ENTPD2: variants seen among roughly 807,000 people sequenced by gnomAD.
ENTPD2 encodes the protein CD39 antigen-like 1.
Under a neutral mutation model 46.8 loss-of-function variants are expected in ENTPD2, and 48 were observed. That is an observed-to-expected ratio of 1.03 (90% CI 0.81 to 1.30). The LOEUF is 1.30. Ranked by LOEUF, ENTPD2 falls within the 50% of genes most tolerant of loss-of-function variation. The probability of loss-of-function intolerance (pLI) is 0.00; values close to 1 mark genes in which losing one functional copy is unlikely to be tolerated. For synonymous variants in ENTPD2, 316 were observed against 286.1 expected (o/e 1.10, Z -1.06); for missense variants, 707 against 651.1 (o/e 1.09, Z -0.93).
chr9:137,048,619 G>A lies in ENTPD2; in HGVS notation c.*38C>T, dbSNP rs1763740354. ...TGGGAGTACGGGGTGGGGATACAGG[G>A]GTTGGGGGAGGGATGGGGCAGCTGC... is the stretch of plus-strand genomic sequence containing the variant. On this transcript the variant is annotated 3_prime_UTR_variant, in exon 9 of 9. Coordinates refer to ENST00000355097, the MANE Select transcript of ENTPD2 (RefSeq NM_203468.3). The A allele has an allele frequency of 6.6e-6, 10 of 1,524,762 alleles. No homozygotes were observed. Among genetic ancestry groups the A allele is most frequent in the Middle Eastern group, 4.6e-4 (2 of 4,356 alleles). 94.5% of individuals were successfully genotyped at this position (1,524,762 alleles called of 1,614,324 possible).
In ENTPD2 at chr9:137,049,922, A is replaced by G; in HGVS notation, c.1097T>C (p.Leu366Pro). 1.2e-6 allele frequency: 2 copies of G among 1,612,552 alleles called. No homozygotes were observed. Among genetic ancestry groups the G allele is most frequent in the Non-Finnish European group, 1.7e-6 (2 of 1,179,808 alleles). ...RTSMGLPVAT[L>P]QQLEAAAVNV... ...CACTGCGGCTGCCTCCAGCTGCTGC[A>G]GGGTGGCCACGGGCAGCCCCATCGA... Residue 366 changes from leucine to proline, a missense_variant, in exon 7 of 9, where the codon CTG (leucine) becomes CCG (proline). Transcript: ENST00000355097.
chr9:137,049,176 A>C, intron 7 of ENTPD2, 101 bp from the exon 8 acceptor site: 1 of 1,519,330 alleles, frequency 6.6e-7, no homozygotes, highest in Non-Finnish European at 8.8e-7. Context: ...CCCCAGACAC[A>C]CACGGGCCGT....
In ENTPD2 at chr9:137,051,631, G is replaced by A. The variant is rs370585317; in HGVS notation, c.265C>T (p.Pro89Ser). Residue 89 changes from proline to serine, a missense_variant, in exon 3 of 9, where the codon CCT (proline) becomes TCT (serine). Pro to Ser is a moderately conservative substitution (Grantham distance 74). Coordinates refer to ENST00000355097, the MANE Select transcript of ENTPD2 (RefSeq NM_203468.3). ...ACAAGACTCTGGCTGGCCCCAGAAG[G>A]GTTGTCTGCATAGCTGGAGATGCCC... is the stretch of plus-strand genomic sequence containing the variant. ...GGGISSYADN[P>S]SGASQSLVGC... 3.1e-6 allele frequency: 5 copies of A among 1,612,384 alleles called. No homozygotes were observed. The highest frequency in any genetic ancestry group is 1.1e-5 in the South Asian group (1 of 91,044).
chr9:137,049,180 G>A (rs1832207549), intron 7 of ENTPD2, 105 bp from the exon 8 acceptor site: 1 of 1,516,018 alleles, frequency 6.6e-7, no homozygotes. Flanking sequence ...AGACACACAC[G>A]GGCCGTGCGA....
Position 137,050,027 on chromosome 9 carries a change from C to A in ENTPD2, c.1030-38G>T, listed in dbSNP as rs373526741. 2.4e-5 allele frequency: 38 copies of A among 1,591,054 alleles called. 2 individuals carry two copies. The South Asian group carries it at 3.7e-4, about 16-fold the overall frequency. On this transcript the variant is annotated intron_variant, in intron 6 of 8. Transcript: ENST00000355097. ...CAGTCACACTGTGACCGAACCCCAG[C>A]GGCTCAGAGCACCTGCTGCCACCCG...
chr9:137,052,453 C>CCAA, intron 1 of ENTPD2, 105 bp from the exon 2 acceptor site: 1 of 847,334 alleles, frequency 1.2e-6, no homozygotes, highest in Non-Finnish European at 1.8e-6. Context: ...CTCCCCCCCC[C>CCAA]ACCCAGTCAT....
rs1393658796 is a variant in ENTPD2 at position 137,051,410 on chromosome 9, G to GTGGC, written c.387-44_387-41dup. 7.8e-6 allele frequency: 12 copies of GTGGC among 1,538,996 alleles called. No homozygotes were observed. In the South Asian group the frequency reaches 1.5e-4, roughly 19 times the overall value. On this transcript the variant is annotated intron_variant, in intron 3 of 8. Coordinates refer to ENST00000355097, the MANE Select transcript of ENTPD2 (RefSeq NM_203468.3). ...GAACTCCAAGAGGCCTTCTCCCCAGGTGGCTGTGAGCCTGCTGTAGGGGTG... is the reference window on the plus strand; with the variant it reads ...GAACTCCAAGAGGCCTTCTCCCCAGGTGGCTGGCTGTGAGCCTGCTGTAGGGGTG...
At chr9:137,050,569 AC>A in intron 5 of ENTPD2, 31 bp from the exon 6 acceptor site, 1 of 1,603,796 alleles carries the variant, frequency 6.2e-7, no homozygotes, top group Non-Finnish European at 8.5e-7. Context: ...ACAGGGTGGC[AC>A]CACCACCGCT....
intron 7 of ENTPD2, 159 bp downstream of exon 7, chr9:137,049,711 G>A (rs1203814089): frequency 4.8e-6 from 4 of 825,552 alleles, no homozygotes; most frequent in Non-Finnish European, 7.3e-6. Flanking sequence ...ACAGCCTACC[G>A]GCCACAGCCA....
At chr9:137,052,504 T>G (rs1337826250) in intron 1 of ENTPD2, among the ~76,000 whole-genome samples, 156 bp from the exon 2 acceptor site, 5 of 147,826 alleles carry the variant, frequency 3.4e-5, no homozygotes, top group African/African-American at 1.2e-4. Flanking sequence ...GGCCAGGGCC[T>G]CCTCTGAGGC....
At chr9:137,049,148 G>A (rs1832206788) in intron 7 of ENTPD2, 73 bp from the exon 8 acceptor site, 20 of 1,532,814 alleles carry the variant, frequency 1.3e-5, no homozygotes, top group Non-Finnish European at 1.7e-5. Flanking sequence ...GAGGGGGCCG[G>A]CGGCGTGCTT....
At chr9:137,051,789 G>T in intron 2 of ENTPD2, 129 bp from the exon 3 acceptor site, 1 of 1,381,018 alleles carries the variant, frequency 7.2e-7, no homozygotes, top group Non-Finnish European at 9.5e-7. Flanking sequence ...CCCTGCTTAA[G>T]CCCCCAGAAA....
At chr9:137,052,493 A>C (rs1040087224) in intron 1 of ENTPD2, 145 bp from the exon 2 acceptor site, 4 of 626,420 alleles carry the variant, frequency 6.4e-6, no homozygotes, top group Non-Finnish European at 1.1e-5. Flanking sequence ...AGCTCAGAGG[A>C]GGCCAGGGCC....
intron 1 of ENTPD2, 194 bp from the exon 2 acceptor site, chr9:137,052,542 G>C (rs982303480): frequency 7.6e-6 from 4 of 526,214 alleles, no homozygotes; most frequent in East Asian, 3.1e-5. Context: ...CAGGGAGGTG[G>C]TGGGGAGGTG....
At chr9:137,053,586 G>A (rs928854510) in intron 1 of ENTPD2, among the ~76,000 whole-genome samples, 1 of 152,252 alleles carries the variant, frequency 6.6e-6, no homozygotes, top group Non-Finnish European at 1.5e-5. Flanking sequence ...GGCTATCCCG[G>A]GAGCGGGGAC....
At position 137,048,667 on chromosome 9, in the gene ENTPD2, C is replaced by A; in HGVS notation, c.1478G>T (p.Ser493Ile). ...LRQVHSAKLP[S>I]TI is the part of the protein sequence containing the mutation. The stretch of plus-strand genomic sequence containing the variant: ...TGCCCCCGTCGGCCCCTAAATGGTG[C>A]TTGGCAGCTTGGCGGAGTGCACCTG... The change falls in exon 9 of 9, where the codon AGC becomes ATC. Residue 493 changes from serine (S) to isoleucine (I), a missense_variant. By Grantham distance (142) the Ser-to-Ile change is moderately radical (BLOSUM62 -2). Transcript: ENST00000355097. 6.3e-7 allele frequency: 1 copy of A among 1,594,080 alleles called. No homozygotes were observed. Among genetic ancestry groups the A allele is most frequent in the South Asian group, 1.1e-5 (1 of 88,442 alleles).
chr9:137,049,770 G>C, intron 7 of ENTPD2, 100 bp downstream of exon 7: 4 of 1,347,250 alleles, frequency 3.0e-6, no homozygotes, highest in Non-Finnish European at 4.0e-6. Flanking sequence ...CCACTGCAGC[G>C]GGTGCTCCGA....
intron 5 of ENTPD2, 52 bp downstream of exon 5, chr9:137,050,850 T>A: frequency 3.8e-6 from 6 of 1,571,836 alleles, no homozygotes; most frequent in Non-Finnish European, 5.2e-6. Flanking sequence ...CTGTCCAGGC[T>A]CTGCTCCAGG....
In ENTPD2 at chr9:137,051,323, TGA is replaced by T. The variant is rs761717319; in HGVS notation, c.432_433del (p.Leu147AspfsTer6). On this transcript the variant is annotated frameshift_variant, in exon 4 of 9. Transcript: ENST00000355097. LOFTEE classifies it high-confidence loss of function. ...GTCAAAGGGGTACTGGGTCAGTGTG[TGA>T]GTCACTGCCATGAGCACACTGGTCG... is the stretch of plus-strand genomic sequence containing the variant. The T allele has an allele frequency of 2.5e-6, 4 of 1,594,334 alleles. No homozygotes were observed. The highest frequency in any genetic ancestry group is 1.3e-5 in the African/African-American group (1 of 74,538).
Sources: allele counts gnomAD v4.1 joint callset (sites outside exome capture counted in the v4.1 genomes callset), GRCh38; gene constraint gnomAD v4.1.1; transcripts MANE v1.5; gene names NCBI Gene and HGNC (gene_info 2026-07-23, HGNC 2026-07-21).